The following CHODL variants were observed in gnomAD, a reference collection of about 807,000 sequenced individuals.
CHODL encodes chondrolectin.
In CHODL, 29 loss-of-function variants were observed where a neutral mutation model predicts 34.5. The observed-to-expected ratio is 0.84, with a 90% CI of 0.63 to 1.15. The LOEUF is 1.15. Among genes scored for constraint, CHODL ranks in the 50% most tolerant of loss-of-function variants. The probability of loss-of-function intolerance (pLI) is 0.00; values close to 1 mark genes in which losing one functional copy is unlikely to be tolerated. For synonymous variants in CHODL, 125 were observed against 116.1 expected, an observed-to-expected ratio of 1.08 and a Z score of -0.49; for missense variants, 332 against 332.5, an observed-to-expected ratio of 1.00 and a Z score of 0.01.
At chr21:18,060,779 G>A (rs770799743) in intron 2 of CHODL, among the ~76,000 whole-genome samples, 1 of 150,804 alleles carries the variant, frequency 6.6e-6, no homozygotes, top group Non-Finnish European at 1.5e-5. Flanking sequence ...ACTGTTTGTT[G>A]ATGAAGAAAC....
chr21:17,940,918 C>A (rs992613714), intron 1 of CHODL, among the ~76,000 whole-genome samples: 1 of 152,138 alleles, frequency 6.6e-6, no homozygotes, highest in Non-Finnish European at 1.5e-5. Context: ...ATCTGATTTC[C>A]ACTTGGATAA....
At chr21:18,189,787 A>G (rs772381003) in intron 2 of CHODL, among the ~76,000 whole-genome samples, 15 of 151,994 alleles carry the variant, frequency 9.9e-5, no homozygotes, top group Non-Finnish European at 1.6e-4. Flanking sequence ...GGTGCATGCC[A>G]CCATGCCCGG....
At chr21:18,140,510 C>T (rs547474970) in intron 2 of CHODL, among the ~76,000 whole-genome samples, 1 of 151,972 alleles carries the variant, frequency 6.6e-6, no homozygotes, top group Middle Eastern at 3.2e-3. Flanking sequence ...ACCTATTCCA[C>T]ATAAGGGGAA....
intron 1 of CHODL, among the ~76,000 whole-genome samples, chr21:18,018,863 T>G (rs570265866): frequency 6.6e-6 from 1 of 152,340 alleles, no homozygotes; most frequent in Non-Finnish European, 1.5e-5. Flanking sequence ...ATTGCAGTTA[T>G]GCCAAATACT....
chr21:17,937,585 AG>A (rs1381825292), intron 1 of CHODL, among the ~76,000 whole-genome samples: 1 of 152,230 alleles, frequency 6.6e-6, no homozygotes, highest in Non-Finnish European at 1.5e-5. Context: ...GTCTTTTCAC[AG>A]ATACATTTTA....
At chr21:18,101,938 G>T (rs1053274833) in intron 2 of CHODL, among the ~76,000 whole-genome samples, 5 of 151,890 alleles carry the variant, frequency 3.3e-5, no homozygotes, top group Non-Finnish European at 7.4e-5. Flanking sequence ...AATTAATAAG[G>T]ATAAAAAATA....
At chr21:17,987,657 C>G (rs1327202850) in intron 1 of CHODL, among the ~76,000 whole-genome samples, 1 of 152,084 alleles carries the variant, frequency 6.6e-6, no homozygotes, top group Non-Finnish European at 1.5e-5. Flanking sequence ...GACCTGTTTT[C>G]TTTGAACACT....
chr21:18,145,991 C>T (rs568246402), intron 2 of CHODL, among the ~76,000 whole-genome samples: 7 of 151,900 alleles, frequency 4.6e-5, no homozygotes, highest in East Asian at 1.9e-4. Context: ...TTTTTTGAGA[C>T]GGAGTCTCAC....
chr21:18,029,743 G>C (rs886734314), intron 2 of CHODL, among the ~76,000 whole-genome samples: 2 of 152,060 alleles, frequency 1.3e-5, no homozygotes, highest in Non-Finnish European at 2.9e-5. Context: ...TAGGGCTCAG[G>C]TAAGTGAGCC....
upstream of CHODL, among the ~76,000 whole-genome samples, chr21:18,244,236 G>T (rs981214199): frequency 6.6e-6 from 1 of 152,164 alleles, no homozygotes; most frequent in Admixed American, 6.5e-5. Context: ...TGTGTTGACG[G>T]TTTTCTCTGG....
intron 2 of CHODL, among the ~76,000 whole-genome samples, chr21:18,064,025 C>T (rs2064701201): frequency 6.6e-6 from 1 of 152,172 alleles, no homozygotes. Context: ...TCTATTCTTC[C>T]TTGATATTGT....
At chr21:18,061,732 A>C (rs955343262) in intron 2 of CHODL, among the ~76,000 whole-genome samples, 2 of 152,224 alleles carry the variant, frequency 1.3e-5, no homozygotes, top group African/African-American at 2.4e-5. Context: ...ATGATGATGA[A>C]GATGAATGCA....
At chr21:17,952,058 A>T (rs2063461734) in intron 1 of CHODL, among the ~76,000 whole-genome samples, 2 of 151,568 alleles carry the variant, frequency 1.3e-5, no homozygotes. Context: ...ACATAGGGAG[A>T]CCCCATCTCT....
intron 2 of CHODL, among the ~76,000 whole-genome samples, chr21:18,231,752 C>T (rs950248195): frequency 6.6e-6 from 1 of 151,940 alleles, no homozygotes; most frequent in African/African-American, 2.4e-5. Flanking sequence ...AGGCCTTAAC[C>T]AAAGGGCCTG....
chr21:18,175,966 T>A, intron 2 of CHODL, among the ~76,000 whole-genome samples: 1 of 152,138 alleles, frequency 6.6e-6, no homozygotes, highest in East Asian at 1.9e-4. Context: ...AGAAGTTCAG[T>A]TTTACAAATA....
At chr21:17,947,261 A>G (rs1473880957) in intron 1 of CHODL, among the ~76,000 whole-genome samples, 1 of 152,122 alleles carries the variant, frequency 6.6e-6, no homozygotes, top group African/African-American at 2.4e-5. Flanking sequence ...TTAACAACCA[A>G]CAGGTCAATG....
At chr21:18,177,345 A>G (rs1335639475) in intron 2 of CHODL, among the ~76,000 whole-genome samples, 2 of 152,148 alleles carry the variant, frequency 1.3e-5, no homozygotes, top group Admixed American at 1.3e-4. Context: ...AAACTGAATA[A>G]CTGAGATTTA....
At chr21:18,114,578 G>A (rs1273924579) in intron 2 of CHODL, among the ~76,000 whole-genome samples, 1 of 152,018 alleles carries the variant, frequency 6.6e-6, no homozygotes. Context: ...TCAGCCTCCC[G>A]AGTAGCTTAG....
intron 2 of CHODL, among the ~76,000 whole-genome samples, chr21:18,179,177 G>A (rs1012929813): frequency 4.6e-5 from 7 of 152,060 alleles, no homozygotes; most frequent in African/African-American, 1.7e-4. Context: ...AGGTGGTGCA[G>A]GACTTACCCA....
Sources: allele counts gnomAD v4.1 joint callset (sites outside exome capture counted in the v4.1 genomes callset), GRCh38; gene constraint gnomAD v4.1.1; transcripts MANE v1.5; gene names NCBI Gene and HGNC (gene_info 2026-07-23, HGNC 2026-07-21).